The following PDE4B variants were observed in gnomAD, a reference collection of about 807,000 sequenced individuals.
The protein encoded by PDE4B is phosphodiesterase 4B, also known as 3',5'-cyclic-AMP phosphodiesterase 4B.
Under a neutral mutation model 82.2 loss-of-function variants are expected in PDE4B, and 20 were observed. The ratio of observed to expected loss-of-function variants is 0.24; its 90% CI spans 0.17 to 0.35. The LOEUF (loss-of-function observed/expected upper bound fraction) is 0.35, where lower values mean the gene tolerates loss of function less well. Ranked by LOEUF, PDE4B falls within the 10% of genes least tolerant of loss-of-function variation. PDE4B has a pLI of 1.00. For synonymous variants in PDE4B, 320 were observed against 318.9 expected (o/e 1.00, Z -0.04); for missense variants, 655 against 907.2 (o/e 0.72, Z 3.57).
intron 3 of PDE4B, among the ~76,000 whole-genome samples, chr1:66,202,402 T>C (rs1322751121): frequency 6.6e-6 from 1 of 152,192 alleles, no homozygotes; most frequent in Non-Finnish European, 1.5e-5. Flanking sequence ...TGGGTATCCT[T>C]GTTAACTTTC....
At chr1:65,982,585 A>T (rs947939010) in intron 3 of PDE4B, among the ~76,000 whole-genome samples, 4 of 152,348 alleles carry the variant, frequency 2.6e-5, no homozygotes, top group African/African-American at 9.6e-5. Context: ...ATATGTGATC[A>T]TCCAGGAAAC....
chr1:65,951,384 G>A (rs1413477775), intron 3 of PDE4B, among the ~76,000 whole-genome samples: 1 of 152,072 alleles, frequency 6.6e-6, no homozygotes, highest in African/African-American at 2.4e-5. Flanking sequence ...TAATGTAGAA[G>A]TGGCCAAGAA....
At chr1:66,049,512 C>A (rs879831615) in intron 3 of PDE4B, among the ~76,000 whole-genome samples, 7 of 151,900 alleles carry the variant, frequency 4.6e-5, no homozygotes, top group African/African-American at 9.7e-5. Flanking sequence ...AAGTAAGAGA[C>A]CTGGCTATTT....
intron 1 of PDE4B, among the ~76,000 whole-genome samples, chr1:65,821,684 G>A (rs1645954509): frequency 6.6e-6 from 1 of 152,048 alleles, no homozygotes; most frequent in Non-Finnish European, 1.5e-5. Flanking sequence ...ACTCAGAATT[G>A]AGTGTCATTT....
intron 1 of PDE4B, among the ~76,000 whole-genome samples, chr1:65,838,634 T>TATATAC (rs1311799884): frequency 1.3e-5 from 2 of 149,402 alleles, no homozygotes; most frequent in East Asian, 1.9e-4. Context: ...TGTGTGTATA[T>TATATAC]ATATACATAT....
intron 3 of PDE4B, among the ~76,000 whole-genome samples, chr1:66,190,086 T>C (rs931358983): frequency 6.6e-6 from 1 of 152,198 alleles, no homozygotes; most frequent in Non-Finnish European, 1.5e-5. Flanking sequence ...TGTTGGAGTT[T>C]ACTGGAGGTC....
chr1:66,286,424 A>T (rs936752297), intron 7 of PDE4B, among the ~76,000 whole-genome samples: 2 of 152,136 alleles, frequency 1.3e-5, no homozygotes, highest in African/African-American at 4.8e-5. Flanking sequence ...TAGGTGATTT[A>T]ATGGGGTTTT....
intron 3 of PDE4B, among the ~76,000 whole-genome samples, chr1:66,188,387 C>G (rs1007168101): frequency 6.6e-6 from 1 of 151,278 alleles, no homozygotes; most frequent in African/African-American, 2.4e-5. Context: ...TCCTGGGTAT[C>G]CTTGTTAACT....
At chr1:65,871,406 C>G (rs1277752633) in intron 1 of PDE4B, among the ~76,000 whole-genome samples, 1 of 152,182 alleles carries the variant, frequency 6.6e-6, no homozygotes, top group South Asian at 2.1e-4. Flanking sequence ...GGATTAAAGA[C>G]AGGAATTCTA....
chr1:66,198,100 G>C (rs1195092272), intron 3 of PDE4B, among the ~76,000 whole-genome samples: 1 of 152,112 alleles, frequency 6.6e-6, no homozygotes, highest in Non-Finnish European at 1.5e-5. Flanking sequence ...GGAGCTTTTT[G>C]TTAATTCACT....
rs1570708121 is a variant in PDE4B, at chr1:66,332,193, C to G, written c.635-315C>G. On this transcript the variant is annotated intron_variant, in intron 7 of 16. Coordinates refer to ENST00000341517, the MANE Select transcript of PDE4B (RefSeq NM_002600.4). ...GGTGCTTCTGCCTTTAGTTTTAGGACACATTTATGCAGATGAGCTTATAAG... is the reference window on the plus strand; with the variant it reads ...GGTGCTTCTGCCTTTAGTTTTAGGAGACATTTATGCAGATGAGCTTATAAG... 9 of 1,410,726 alleles carry G rather than the reference C, an allele frequency of 6.4e-6. No homozygotes were observed. In the East Asian group the frequency reaches 2.3e-4, roughly 36 times the overall value. 87.4% of individuals were successfully genotyped at this position (1,410,726 alleles called of 1,614,324 possible). A position where few individuals can be genotyped will look rare whatever the true frequency, so the allele number is the denominator to read the frequency against.
chr1:66,032,397 A>G (rs1275851596), intron 3 of PDE4B, among the ~76,000 whole-genome samples: 1 of 152,144 alleles, frequency 6.6e-6, no homozygotes, highest in Non-Finnish European at 1.5e-5. Context: ...TTCCAACTCT[A>G]AGATTTGTAT....
chr1:66,146,770 T>C (rs1336404722), intron 3 of PDE4B, among the ~76,000 whole-genome samples: 1 of 152,234 alleles, frequency 6.6e-6, no homozygotes, highest in Non-Finnish European at 1.5e-5. Flanking sequence ...TAAATTTTGC[T>C]TCTATTCTAT....
At chr1:66,181,675 A>G (rs940295252) in intron 3 of PDE4B, among the ~76,000 whole-genome samples, 3 of 152,058 alleles carry the variant, frequency 2.0e-5, no homozygotes, top group African/African-American at 2.4e-5. Context: ...TTTACTCCCA[A>G]TCTTCTCTCT....
intron 1 of PDE4B, among the ~76,000 whole-genome samples, chr1:65,859,284 G>T (rs967109503): frequency 6.6e-6 from 1 of 151,952 alleles, no homozygotes; most frequent in Non-Finnish European, 1.5e-5. Context: ...TTGGAACAAA[G>T]TAAAGGTCAA....
At chr1:66,144,775 T>C (rs1646237992) in intron 3 of PDE4B, among the ~76,000 whole-genome samples, 1 of 152,200 alleles carries the variant, frequency 6.6e-6, no homozygotes, top group African/African-American at 2.4e-5. Flanking sequence ...CCATGGTACT[T>C]TTTCACCAGT....
At chr1:65,793,399 G>A (rs76916995) in intron 1 of PDE4B, among the ~76,000 whole-genome samples, 151 bp downstream of exon 1, 1,713 of 152,336 alleles carry the variant, frequency 0.011, 41 homozygotes, top group African/African-American at 0.039. Flanking sequence ...TCGTCTTGAC[G>A]GCGTCATTGT....
In PDE4B at chr1:66,024,558, T is replaced by A. The variant is rs369860462; in HGVS notation, c.281+105723T>A. 2.6e-5 allele frequency among the ~76,000 whole-genome samples: 4 copies of A among 152,282 alleles called. No individual in the cohort carries two copies. In the South Asian group the frequency reaches 8.3e-4, roughly 32 times the overall value. On this transcript the variant is annotated intron_variant, in intron 3 of 16. Transcript: ENST00000341517. ...TTCCAAAGAAGCTACACCAACTGTG[T>A]CAATTCATACGTTTATTCAACAAAA...
chr1:66,314,703 G>A (rs1045120950), intron 7 of PDE4B, among the ~76,000 whole-genome samples: 1 of 152,066 alleles, frequency 6.6e-6, no homozygotes, highest in Non-Finnish European at 1.5e-5. Flanking sequence ...TTGAGCCACC[G>A]TGCCCAACCT....
Sources: allele counts gnomAD v4.1 joint callset (sites outside exome capture counted in the v4.1 genomes callset), GRCh38; gene constraint gnomAD v4.1.1; transcripts MANE v1.5; gene names NCBI Gene and HGNC (gene_info 2026-07-23, HGNC 2026-07-21).